The following UPRT variants were observed in gnomAD, a reference collection of about 807,000 sequenced individuals.
UPRT encodes uracil phosphoribosyltransferase homolog, also known as RP11-311P8.3.
Under a neutral mutation model 22.6 loss-of-function variants are expected in UPRT, and 5 were observed. That is an observed-to-expected ratio of 0.22 (90% CI 0.12 to 0.47). The LOEUF is 0.47. Among genes scored for constraint, UPRT ranks in the 20% least tolerant of loss-of-function variants. The pLI, the probability that UPRT is intolerant of heterozygous loss-of-function variation, is 0.99. For synonymous variants in UPRT, 77 were observed against 87.7 expected (o/e 0.88, Z 0.68); for missense variants, 181 against 239.9 (o/e 0.75, Z 1.62).
At chrX:75,276,597 G>A (rs2147685217) in intron 1 of UPRT, among the ~76,000 whole-genome samples, 1 of 111,573 alleles carries the variant, frequency 9.0e-6, no homozygotes, top group South Asian at 3.8e-4. Flanking sequence ...TAGAGCAGAA[G>A]TTACTACGCT....
In UPRT at chrX:75,166,097, C is replaced by T. The variant is rs556548980; in HGVS notation, c.-520-1709C>T. Among the ~76,000 whole-genome samples, 8 of 111,762 alleles carry T rather than the reference C, an allele frequency of 7.2e-5. No individual in the cohort carries two copies. In the South Asian group the frequency reaches 2.2e-3, roughly 31 times the overall value. ...AGGACTGTCAATACCAGAATATCCT[C>T]GGACAAAATGGGATGGTTGGTCATT... On this transcript the variant is annotated intron_variant, in intron 3 of 13. Coordinates refer to the UPRT transcript ENST00000652605.
chrX:75,185,232 C>A (rs775500839), intron 4 of UPRT, among the ~76,000 whole-genome samples: 1 of 111,468 alleles, frequency 9.0e-6, no homozygotes, highest in Non-Finnish European at 1.9e-5. Context: ...TAGCATGAAG[C>A]GTTGTTGAAT....
intron 4 of UPRT, among the ~76,000 whole-genome samples, chrX:75,247,343 G>T (rs1390654620): frequency 9.0e-6 from 1 of 111,487 alleles, no homozygotes; most frequent in Non-Finnish European, 1.9e-5. Flanking sequence ...AAAAAAAGGG[G>T]TGACAGATGG....
At chrX:75,250,852 G>A (rs1008340788) in intron 4 of UPRT, among the ~76,000 whole-genome samples, 2 of 111,793 alleles carry the variant, frequency 1.8e-5, no homozygotes, top group African/African-American at 6.5e-5. Context: ...ACATCAAAAA[G>A]CTTATCCACC....
intron 4 of UPRT, among the ~76,000 whole-genome samples, chrX:75,234,590 C>G (rs1352325018): frequency 8.9e-6 from 1 of 111,990 alleles, no homozygotes; most frequent in Non-Finnish European, 1.9e-5. Context: ...AACTATCTCT[C>G]AGACCACATT....
At chrX:75,266,360 A>G (rs1602482150) in intron 4 of UPRT, among the ~76,000 whole-genome samples, 1 of 111,770 alleles carries the variant, frequency 8.9e-6, no homozygotes. Context: ...TATTTAATAC[A>G]TGGTGCTGGG....
At chrX:75,233,479 A>G (rs1317374557) in intron 4 of UPRT, among the ~76,000 whole-genome samples, 1 of 110,292 alleles carries the variant, frequency 9.1e-6, no homozygotes, top group Non-Finnish European at 1.9e-5. Flanking sequence ...CAAGACATAT[A>G]ATTGTCAGAT....
intron 4 of UPRT, among the ~76,000 whole-genome samples, chrX:75,206,831 AT>A (rs2082368421): frequency 9.0e-6 from 1 of 110,597 alleles, no homozygotes; most frequent in Admixed American, 9.6e-5. Flanking sequence ...TGCCTGGCTA[AT>A]TTTTTGTATT....
chrX:75,216,450 A>G (rs1468455480), intron 4 of UPRT, among the ~76,000 whole-genome samples: 4 of 112,524 alleles, frequency 3.6e-5, no homozygotes, highest in Non-Finnish European at 7.5e-5. Flanking sequence ...ATCAGGAACA[A>G]AGCAAGAATG....
At chrX:75,235,408 A>C (rs1056163012) in intron 4 of UPRT, among the ~76,000 whole-genome samples, 9 of 112,080 alleles carry the variant, frequency 8.0e-5, no homozygotes, top group Non-Finnish European at 1.3e-4. Flanking sequence ...ATCAATAGAA[A>C]AAGAGGGAAT....
chrX:75,262,332 C>G (rs779487289), intron 4 of UPRT, among the ~76,000 whole-genome samples: 1 of 111,435 alleles, frequency 9.0e-6, no homozygotes, highest in Non-Finnish European at 1.9e-5. Context: ...CAGCAACATA[C>G]CAAATTGTAA....
intron 4 of UPRT, among the ~76,000 whole-genome samples, chrX:75,173,300 C>T (rs1360246372): frequency 9.1e-6 from 1 of 109,346 alleles, no homozygotes; most frequent in Admixed American, 9.7e-5. Flanking sequence ...TAAAGGTTTT[C>T]CAAGGCCCCA....
intron 4 of UPRT, among the ~76,000 whole-genome samples, chrX:75,247,551 C>T (rs957151486): frequency 5.4e-5 from 6 of 111,867 alleles, no homozygotes; most frequent in East Asian, 2.8e-4. Context: ...CAGATATTGC[C>T]GAGGCTTGAC....
intron 4 of UPRT, among the ~76,000 whole-genome samples, chrX:75,226,683 A>T (rs1247358746): frequency 2.7e-5 from 3 of 110,352 alleles, no homozygotes; most frequent in Non-Finnish European, 1.9e-5. Context: ...TCTGACCTCC[A>T]CATTTAAAAT....
intron 4 of UPRT, among the ~76,000 whole-genome samples, chrX:75,255,859 T>C (rs1569275686): frequency 9.0e-6 from 1 of 111,581 alleles, no homozygotes; most frequent in African/African-American, 3.3e-5. Context: ...CTTAAATTTA[T>C]AAAAAAATTA....
intron 4 of UPRT, among the ~76,000 whole-genome samples, chrX:75,172,014 T>A (rs973307942): frequency 5.4e-5 from 6 of 110,924 alleles, no homozygotes; most frequent in African/African-American, 2.0e-4. Context: ...TCTGTGAGAG[T>A]CCTTAGTTTT....
intron 4 of UPRT, among the ~76,000 whole-genome samples, chrX:75,202,467 A>T (rs901500695): frequency 8.9e-6 from 1 of 111,968 alleles, no homozygotes; most frequent in Non-Finnish European, 1.9e-5. Flanking sequence ...ATGAACTTGG[A>T]TTAGTTTTAA....
chrX:75,197,111 TTGTC>T (rs2082334827), intron 4 of UPRT, among the ~76,000 whole-genome samples: 1 of 111,044 alleles, frequency 9.0e-6, no homozygotes, highest in Admixed American at 9.6e-5. Flanking sequence ...ACAGGGGAAA[TTGTC>T]TGAAATATTG....
intron 1 of UPRT, among the ~76,000 whole-genome samples, chrX:75,283,846 C>A (rs748722468): frequency 6.3e-5 from 7 of 111,781 alleles, no homozygotes; most frequent in Non-Finnish European, 9.4e-5. Context: ...ATGTCTCTAT[C>A]AAGGCTGGGG....
Sources: gnomAD v4.1 joint callset for allele counts (sites outside exome capture counted in the v4.1 genomes callset) on GRCh38, gnomAD v4.1.1 for gene constraint, MANE v1.5 for transcripts, NCBI Gene and HGNC (gene_info 2026-07-23, HGNC 2026-07-21) for gene names.